Variants in NRXN3 observed in about 807,000 individuals in gnomAD.
NRXN3 encodes the protein neurexin III.
NRXN3 carries 32 observed loss-of-function variants against 137.6 expected under a neutral mutation model. The observed-to-expected ratio is 0.23, with a 90% CI of 0.18 to 0.31. The LOEUF (loss-of-function observed/expected upper bound fraction) is 0.31. Among genes scored for constraint, NRXN3 ranks in the 10% least tolerant of loss-of-function variants. NRXN3 has a pLI of 1.00. For missense variants in NRXN3, 1,574 were observed against 2,062.5 expected (o/e 0.76, Z 4.59); for synonymous variants, 798 against 784.5 (o/e 1.02, Z -0.29).
intron 19 of NRXN3, among the ~76,000 whole-genome samples, chr14:79,738,850 C>T (rs902506985): frequency 2.0e-5 from 3 of 152,094 alleles, no homozygotes; most frequent in Non-Finnish European, 4.4e-5. Flanking sequence ...TGAGCCACTG[C>T]GCCCAGCCAA....
chr14:79,377,107 T>C (rs546283520), intron 15 of NRXN3, among the ~76,000 whole-genome samples: 1 of 152,222 alleles, frequency 6.6e-6, no homozygotes, highest in African/African-American at 2.4e-5. Context: ...CGTGAAAGTT[T>C]AACACAGGAT....
intron 16 of NRXN3, among the ~76,000 whole-genome samples, chr14:79,518,658 A>G (rs1044406275): frequency 6.6e-6 from 1 of 152,134 alleles, no homozygotes; most frequent in Non-Finnish European, 1.5e-5. Context: ...ATCTAAACAT[A>G]ATTTTATCAC....
chr14:79,168,357 C>T (rs886312380), intron 15 of NRXN3, among the ~76,000 whole-genome samples: 1 of 151,922 alleles, frequency 6.6e-6, no homozygotes, highest in Non-Finnish European at 1.5e-5. Flanking sequence ...AGTTGATATT[C>T]ACATATTAGA....
intron 4 of NRXN3, among the ~76,000 whole-genome samples, chr14:78,380,264 G>T (rs2088799562): frequency 7.7e-6 from 1 of 130,132 alleles, no homozygotes; most frequent in Admixed American, 9.9e-5. Context: ...TTGCGCCACT[G>T]CAGTCCGCAG....
intron 8 of NRXN3, among the ~76,000 whole-genome samples, chr14:78,773,592 A>C (rs1356970737): frequency 6.6e-6 from 1 of 152,100 alleles, no homozygotes; most frequent in African/African-American, 2.4e-5. Context: ...TAAGTTTAGA[A>C]GCTTCAGTTG....
chr14:79,774,300 G>A (rs1390343237), intron 19 of NRXN3, among the ~76,000 whole-genome samples: 1 of 152,098 alleles, frequency 6.6e-6, no homozygotes, highest in Non-Finnish European at 1.5e-5. Context: ...AGCATTTCCT[G>A]TACCTGAAAC....
chr14:79,326,858 A>T (rs1033370791), intron 15 of NRXN3, among the ~76,000 whole-genome samples: 2 of 151,952 alleles, frequency 1.3e-5, no homozygotes, highest in Admixed American at 1.3e-4. Flanking sequence ...GTCCTGTATG[A>T]TACCTTTTGC....
intron 19 of NRXN3, among the ~76,000 whole-genome samples, chr14:79,748,020 G>A (rs1305651156): frequency 6.6e-6 from 1 of 151,932 alleles, no homozygotes; most frequent in Non-Finnish European, 1.5e-5. Flanking sequence ...CATGGGGAGG[G>A]GAATAACACA....
intron 4 of NRXN3, among the ~76,000 whole-genome samples, chr14:78,375,885 A>G (rs891176105): frequency 6.6e-6 from 1 of 152,170 alleles, no homozygotes; most frequent in Non-Finnish European, 1.5e-5. Context: ...TAAGGTCCCC[A>G]GCTTTTCCCC....
At chr14:79,622,500 T>C (rs191229750) in intron 16 of NRXN3, among the ~76,000 whole-genome samples, 2 of 152,332 alleles carry the variant, frequency 1.3e-5, no homozygotes, top group East Asian at 1.9e-4. Context: ...AAAGGTTAAA[T>C]GAGTGAAGAT....
At chr14:79,322,460 A>T (rs2090188581) in intron 15 of NRXN3, among the ~76,000 whole-genome samples, 1 of 151,996 alleles carries the variant, frequency 6.6e-6, no homozygotes, top group African/African-American at 2.4e-5. Flanking sequence ...TTTCTTGAAG[A>T]CCTCCTCTAT....
At chr14:78,990,361 ATTTTT>A (rs1163720240) in intron 15 of NRXN3, among the ~76,000 whole-genome samples, 85 of 76,058 alleles carry the variant, frequency 1.1e-3, no homozygotes, top group African/African-American at 4.2e-3. Context: ...GTTCACATCT[ATTTTT>A]TTTTTTTTTT....
At chr14:78,910,711 A>G (rs965231402) in intron 10 of NRXN3, among the ~76,000 whole-genome samples, 3 of 152,080 alleles carry the variant, frequency 2.0e-5, no homozygotes, top group Non-Finnish European at 4.4e-5. Flanking sequence ...TTGCTTGATT[A>G]TTAGCTTTCT....
At chr14:78,422,130 C>G (rs2153678451) in intron 4 of NRXN3, among the ~76,000 whole-genome samples, 1 of 152,236 alleles carries the variant, frequency 6.6e-6, no homozygotes, top group Non-Finnish European at 1.5e-5. Context: ...AGGTTTCTAG[C>G]CAAGGCCACT....
intron 4 of NRXN3, among the ~76,000 whole-genome samples, chr14:78,555,990 A>G (rs2096733387): frequency 6.6e-6 from 1 of 152,210 alleles, no homozygotes; most frequent in Admixed American, 6.5e-5. Context: ...TGAGATTGGT[A>G]TCCTGTGTGT....
chr14:79,416,645 T>G (rs1376358669), intron 15 of NRXN3, among the ~76,000 whole-genome samples: 1 of 152,188 alleles, frequency 6.6e-6, no homozygotes, highest in Non-Finnish European at 1.5e-5. Flanking sequence ...ATTATTTGTC[T>G]CTGTTTGAAC....
chr14:79,510,983 A>G (rs1047918313), intron 16 of NRXN3, among the ~76,000 whole-genome samples: 41 of 152,190 alleles, frequency 2.7e-4, no homozygotes, highest in Non-Finnish European at 4.7e-4. Context: ...GATGCACTCA[A>G]TCTTGAGTTG....
chr14:79,843,518 A>G (rs2099360594), intron 20 of NRXN3, among the ~76,000 whole-genome samples: 1 of 152,166 alleles, frequency 6.6e-6, no homozygotes, highest in Non-Finnish European at 1.5e-5. Context: ...TCTTATCACA[A>G]AAGATTTCTC....
chr14:78,928,261 G>A (rs1290175061), intron 10 of NRXN3, among the ~76,000 whole-genome samples: 1 of 152,070 alleles, frequency 6.6e-6, no homozygotes, highest in East Asian at 1.9e-4. Context: ...AGATTTTAGA[G>A]CAGGACTTCC....
Sources: gnomAD v4.1 joint callset for allele counts (sites outside exome capture counted in the v4.1 genomes callset) on GRCh38, gnomAD v4.1.1 for gene constraint, MANE v1.5 for transcripts, NCBI Gene and HGNC (gene_info 2026-07-23, HGNC 2026-07-21) for gene names.